Variants in PHF21A observed in about 807,000 individuals in gnomAD.
PHF21A encodes the protein PHD finger protein 21A.
PHF21A carries 11 observed loss-of-function variants against 82.5 expected under a neutral mutation model. The observed-to-expected ratio is 0.13, with a 90% CI of 0.08 to 0.22. The LOEUF (loss-of-function observed/expected upper bound fraction) is 0.22, where lower values mean the gene tolerates loss of function less well. Among genes scored for constraint, PHF21A ranks in the 10% least tolerant of loss-of-function variants. The pLI is 1.00. For synonymous variants in PHF21A, 297 were observed against 302.8 expected, an observed-to-expected ratio of 0.98 and a Z score of 0.20; for missense variants, 579 against 837.8, an observed-to-expected ratio of 0.69 and a Z score of 3.81.
In PHF21A at chr11:45,965,480, T is replaced by C; in HGVS notation, c.831A>G (p.Thr277=). Residue 277 remains threonine, a synonymous_variant, in exon 10 of 19, where the codon ACA becomes ACG. Coordinates refer to ENST00000676320, the MANE Select transcript of PHF21A (RefSeq NM_001352027.3). ...GGACGGGGTGGATGGAATTCTGGGATGTGGGAAGGGTTGTGGGGGTGAACT... is the reference window on the plus strand; with the variant it reads ...GGACGGGGTGGATGGAATTCTGGGACGTGGGAAGGGTTGTGGGGGTGAACT... ...LTKFTPTTLP[T]SQNSIHPVRV... 6.2e-7 allele frequency: 1 copy of C among 1,613,968 alleles called. No individual in the cohort carries two copies. The highest frequency in any genetic ancestry group is 1.1e-5 in the South Asian group (1 of 91,062).
intron 6 of PHF21A, among the ~76,000 whole-genome samples, chr11:46,011,105 C>T (rs937877013): frequency 2.0e-5 from 3 of 152,160 alleles, no homozygotes; most frequent in African/African-American, 7.2e-5. Flanking sequence ...TTTGATCTTG[C>T]CACTAGATCG....
intron 6 of PHF21A, among the ~76,000 whole-genome samples, chr11:46,008,453 T>C (rs1291426122): frequency 6.6e-6 from 1 of 152,130 alleles, no homozygotes; most frequent in Non-Finnish European, 1.5e-5. Context: ...GCAGCATACA[T>C]CTCATCTTGA....
intron 6 of PHF21A, among the ~76,000 whole-genome samples, chr11:46,028,670 T>C (rs1295732157): frequency 6.6e-6 from 1 of 151,306 alleles, no homozygotes; most frequent in Non-Finnish European, 1.5e-5. Flanking sequence ...GCCTCCCAAG[T>C]TGAAGTGATT....
intron 15 of PHF21A, among the ~76,000 whole-genome samples, chr11:45,941,174 C>T (rs993487410): frequency 6.6e-6 from 1 of 152,116 alleles, no homozygotes. Context: ...TCTTGGCTTA[C>T]TGCAGCCTCG....
Position 45,945,999 on chromosome 11 carries a change from A to C in PHF21A, c.1293T>G (p.Arg431=). The C allele has an allele frequency of 6.2e-7, 1 of 1,613,878 alleles. No homozygotes were observed. Among genetic ancestry groups the C allele is most frequent in the Non-Finnish European group, 8.5e-7 (1 of 1,179,874 alleles). The part of the protein sequence containing the change: ...TMHPGTRKRG[R]PPKYNAVLGF... ...CCAGCACTGCATTGTATTTTGGAGGACGACCTATATACCAAGAGAAGGGAA... is the reference window on the plus strand; with the variant it reads ...CCAGCACTGCATTGTATTTTGGAGGCCGACCTATATACCAAGAGAAGGGAA... The change falls in exon 15 of 19, where the codon CGT becomes CGG. Residue 431 remains arginine, a synonymous_variant. Transcript: ENST00000676320.
chr11:45,979,118 G>C (rs774682602), intron 7 of PHF21A, among the ~76,000 whole-genome samples: 10 of 151,948 alleles, frequency 6.6e-5, no homozygotes, highest in Non-Finnish European at 1.2e-4. Context: ...CTGGGTTCAA[G>C]TGATTCTCCT....
intron 14 of PHF21A, among the ~76,000 whole-genome samples, chr11:45,947,590 T>C (rs947525568): frequency 6.6e-6 from 1 of 152,088 alleles, no homozygotes; most frequent in African/African-American, 2.4e-5. Flanking sequence ...AAAAGGCATA[T>C]CCTAGGCACT....
chr11:45,934,857 G>A (rs2088474546), intron 18 of PHF21A: 2 of 355,846 alleles, frequency 5.6e-6, no homozygotes, highest in South Asian at 4.3e-5. Flanking sequence ...TTTTAGGCAG[G>A]GAAAGAGAGG....
intron 6 of PHF21A, among the ~76,000 whole-genome samples, chr11:46,012,166 A>T (rs1462686038): frequency 6.6e-6 from 1 of 152,184 alleles, no homozygotes; most frequent in African/African-American, 2.4e-5. Context: ...TCTTTACCCT[A>T]ACCTTCTAAT....
intron 6 of PHF21A, among the ~76,000 whole-genome samples, chr11:46,021,849 T>G (rs1232602783): frequency 6.6e-6 from 1 of 152,148 alleles, no homozygotes; most frequent in Non-Finnish European, 1.5e-5. Context: ...CCACCATGCC[T>G]GGCCACTTAT....
intron 7 of PHF21A, among the ~76,000 whole-genome samples, chr11:45,978,571 G>A (rs772037178): frequency 1.3e-5 from 2 of 152,178 alleles, no homozygotes; most frequent in Non-Finnish European, 2.9e-5. Flanking sequence ...TCTATATAAA[G>A]ACACAGTGAA....
intron 6 of PHF21A, among the ~76,000 whole-genome samples, chr11:46,000,428 C>T (rs904291073): frequency 6.6e-6 from 1 of 152,024 alleles, no homozygotes; most frequent in Non-Finnish European, 1.5e-5. Context: ...CCATTAGCTG[C>T]GATATGGGAC....
chr11:46,119,326 G>A (rs1852314196), intron 1 of PHF21A, among the ~76,000 whole-genome samples: 1 of 152,196 alleles, frequency 6.6e-6, no homozygotes, highest in South Asian at 2.1e-4. Context: ...GTCAAGGCCA[G>A]GTGATGAGGC....
At chr11:45,990,643 C>A (rs566671194) in intron 6 of PHF21A, among the ~76,000 whole-genome samples, 1 of 151,802 alleles carries the variant, frequency 6.6e-6, no homozygotes, top group African/African-American at 2.4e-5. Flanking sequence ...TTTCTACATA[C>A]AGCAAAAGTA....
intron 1 of PHF21A, among the ~76,000 whole-genome samples, chr11:46,100,076 AC>A (rs2097072021): frequency 6.6e-6 from 1 of 152,252 alleles, no homozygotes; most frequent in African/African-American, 2.4e-5. Context: ...AACTTTTGAA[AC>A]AAAAACCACA....
intron 6 of PHF21A, among the ~76,000 whole-genome samples, chr11:45,987,321 C>T (rs2136499775): frequency 6.6e-6 from 1 of 150,434 alleles, no homozygotes; most frequent in African/African-American, 2.5e-5. Context: ...CAGTAAATAC[C>T]TAAGAACCAT....
chr11:46,062,091 TG>T (rs2096542113), intron 6 of PHF21A, among the ~76,000 whole-genome samples: 1 of 152,014 alleles, frequency 6.6e-6, no homozygotes, highest in African/African-American at 2.4e-5. Flanking sequence ...TTTTTTGTTT[TG>T]TTTTTTTTTT....
chr11:45,945,759 T>C (rs1185814794), intron 15 of PHF21A, 81 bp downstream of exon 15: 21 of 1,199,264 alleles, frequency 1.8e-5, no homozygotes, highest in Non-Finnish European at 1.7e-5. Flanking sequence ...AAGGTGCAAG[T>C]CGATAAGGAG....
intron 9 of PHF21A, 28 bp from the exon 10 acceptor site, chr11:45,965,636 G>C: frequency 6.7e-7 from 1 of 1,499,468 alleles, no homozygotes; most frequent in Non-Finnish European, 8.9e-7. Context: ...AATAATTATT[G>C]TATTACTTAA....
Sources: allele counts gnomAD v4.1 joint callset (sites outside exome capture counted in the v4.1 genomes callset), GRCh38; gene constraint gnomAD v4.1.1; transcripts MANE v1.5; gene names NCBI Gene and HGNC (gene_info 2026-07-23, HGNC 2026-07-21).